PTPRD: variants seen among roughly 807,000 people sequenced by gnomAD.
The protein encoded by PTPRD is protein tyrosine phosphatase receptor type D.
Under a neutral mutation model 214.5 loss-of-function variants are expected in PTPRD, and 34 were observed. The observed-to-expected ratio is 0.16, with a 90% CI of 0.12 to 0.21. The LOEUF is 0.21. PTPRD is among the 10% of genes least tolerant of loss of function. The probability of loss-of-function intolerance (pLI) is 1.00; values close to 1 mark genes in which losing one functional copy is unlikely to be tolerated. For synonymous variants in PTPRD, 1,128 were observed against 845.7 expected (o/e 1.33, Z -5.79); for missense variants, 2,545 against 2,398.7 (o/e 1.06, Z -1.27).
At chr9:9,364,944 G>C (rs1043790555) in intron 9 of PTPRD, among the ~76,000 whole-genome samples, 2 of 151,442 alleles carry the variant, frequency 1.3e-5, no homozygotes, top group Admixed American at 6.6e-5. Context: ...CAGCAGAGAA[G>C]GGTGTAGGAT....
chr9:10,586,785 CTT>C (rs5896406), intron 2 of PTPRD, among the ~76,000 whole-genome samples: 1,445 of 143,718 alleles, frequency 0.01, 8 homozygotes, highest in African/African-American at 0.019. Context: ...TTATAGACAA[CTT>C]TTTTTTTTTT....
chr9:9,817,713 T>C (rs551294157), intron 5 of PTPRD, among the ~76,000 whole-genome samples: 1 of 152,300 alleles, frequency 6.6e-6, no homozygotes, highest in South Asian at 2.1e-4. Context: ...CTGTGATGAT[T>C]ACAGAGAGAA....
At chr9:10,032,563 T>G (rs535564084) in intron 4 of PTPRD, among the ~76,000 whole-genome samples, 13 of 152,200 alleles carry the variant, frequency 8.5e-5, no homozygotes, top group Non-Finnish European at 1.3e-4. Flanking sequence ...ATATAGTGAA[T>G]TTTTTCCACA....
At chr9:9,720,798 A>G (rs1299304263) in intron 7 of PTPRD, among the ~76,000 whole-genome samples, 1 of 130,324 alleles carries the variant, frequency 7.7e-6, no homozygotes, top group Non-Finnish European at 1.6e-5. Flanking sequence ...TACACCATGG[A>G]ATACTATGCA....
At chr9:10,596,597 A>G (rs560141657) in intron 2 of PTPRD, among the ~76,000 whole-genome samples, 62 of 151,810 alleles carry the variant, frequency 4.1e-4, no homozygotes, top group African/African-American at 1.5e-3. Context: ...TATATTAATT[A>G]TTTTGTAATA....
chr9:9,163,338 T>G (rs2099894217), intron 10 of PTPRD, among the ~76,000 whole-genome samples: 1 of 152,132 alleles, frequency 6.6e-6, no homozygotes, highest in Non-Finnish European at 1.5e-5. Flanking sequence ...ATGATCTCCT[T>G]ATCTTTCTTC....
At chr9:9,192,051 A>C (rs982652304) in intron 9 of PTPRD, among the ~76,000 whole-genome samples, 3 of 152,042 alleles carry the variant, frequency 2.0e-5, no homozygotes, top group Non-Finnish European at 2.9e-5. Flanking sequence ...AATATGATCA[A>C]AGGAGTGCAG....
At chr9:8,590,844 G>T (rs1357282625) in intron 14 of PTPRD, among the ~76,000 whole-genome samples, 2 of 152,136 alleles carry the variant, frequency 1.3e-5, no homozygotes, top group Non-Finnish European at 2.9e-5. Context: ...TCACAAACTC[G>T]ATGGCTTAAA....
At chr9:9,239,169 A>G (rs956063687) in intron 9 of PTPRD, among the ~76,000 whole-genome samples, 11 of 151,902 alleles carry the variant, frequency 7.2e-5, no homozygotes, top group African/African-American at 2.7e-4. Flanking sequence ...TACCTTTTGG[A>G]AATACAAACT....
At chr9:9,925,012 C>A (rs2153892047) in intron 5 of PTPRD, among the ~76,000 whole-genome samples, 1 of 152,122 alleles carries the variant, frequency 6.6e-6, no homozygotes, top group South Asian at 2.1e-4. Context: ...ATAGTCAATA[C>A]CGAGTAGCAA....
intron 9 of PTPRD, among the ~76,000 whole-genome samples, chr9:9,315,831 A>G (rs1962581039): frequency 6.9e-6 from 1 of 144,612 alleles, no homozygotes; most frequent in Non-Finnish European, 1.5e-5. Context: ...AGTAGCAGAC[A>G]ACTTTTTTTT....
At chr9:8,362,337 G>T (rs1206233863) in intron 39 of PTPRD, among the ~76,000 whole-genome samples, 1 of 152,160 alleles carries the variant, frequency 6.6e-6, no homozygotes, top group Non-Finnish European at 1.5e-5. Context: ...ATTGAACCAA[G>T]ATAGCAAATG....
intron 14 of PTPRD, among the ~76,000 whole-genome samples, chr9:8,579,014 A>G (rs1033331359): frequency 1.3e-5 from 2 of 152,194 alleles, no homozygotes; most frequent in African/African-American, 2.4e-5. Flanking sequence ...CAGAGATGAT[A>G]TATTTTTACC....
At chr9:10,507,901 T>G (rs1187107382) in intron 2 of PTPRD, among the ~76,000 whole-genome samples, 1 of 152,208 alleles carries the variant, frequency 6.6e-6, no homozygotes, top group Non-Finnish European at 1.5e-5. Flanking sequence ...AAGGACTTCA[T>G]GTCTAAAACA....
At position 8,339,384 on chromosome 9, in the gene PTPRD, G is replaced by T. The variant is rs140910347; in HGVS notation, c.5254-337C>A. 1.3e-4 allele frequency among the ~76,000 whole-genome samples: 20 copies of T among 152,174 alleles called. No individual in the cohort carries two copies. The East Asian group carries it at 3.7e-3, about 28-fold the overall frequency. ...ATCCAAATAATTACATCAGTCCTTG[G>T]ACAATGCTGGCCATGACAATAACAC... On this transcript the variant is annotated intron_variant, in intron 42 of 45. Transcript: ENST00000381196.
chr9:10,280,001 A>G (rs966284435), intron 3 of PTPRD, among the ~76,000 whole-genome samples: 40 of 152,194 alleles, frequency 2.6e-4, no homozygotes, highest in African/African-American at 9.7e-4. Flanking sequence ...TCAGTCCCTT[A>G]TGATGCTATG....
chr9:8,573,617 A>T (rs981013050), intron 14 of PTPRD, among the ~76,000 whole-genome samples: 9 of 151,962 alleles, frequency 5.9e-5, no homozygotes, highest in African/African-American at 2.2e-4. Flanking sequence ...ACTATTAAGC[A>T]TATCTCTAAT....
chr9:8,607,206 G>A (rs190260638), intron 14 of PTPRD, among the ~76,000 whole-genome samples: 96 of 152,248 alleles, frequency 6.3e-4, no homozygotes, highest in Non-Finnish European at 9.7e-4. Context: ...ATAACTAGGT[G>A]AGTTAATGCA....
chr9:9,108,940 A>G (rs1423373842), intron 10 of PTPRD, among the ~76,000 whole-genome samples: 1 of 152,142 alleles, frequency 6.6e-6, no homozygotes, highest in Non-Finnish European at 1.5e-5. Context: ...ACTTAGAGAT[A>G]CGACTGGCAT....
Sources: gnomAD v4.1 joint callset for allele counts (sites outside exome capture counted in the v4.1 genomes callset) on GRCh38, gnomAD v4.1.1 for gene constraint, MANE v1.5 for transcripts, NCBI Gene and HGNC (gene_info 2026-07-23, HGNC 2026-07-21) for gene names.